The following MPPED2 variants were observed in gnomAD, a reference collection of about 807,000 sequenced individuals.
MPPED2 encodes metallophosphoesterase MPPED2.
A neutral mutation model predicts 33.0 loss-of-function variants in MPPED2; 5 were observed. That is an observed-to-expected ratio of 0.15 (90% CI 0.08 to 0.32). The LOEUF is 0.32. Ranked by LOEUF, MPPED2 falls within the 10% of genes least tolerant of loss-of-function variation. The pLI is 1.00. For synonymous variants in MPPED2, 136 were observed against 141.9 expected (o/e 0.96, Z 0.29); for missense variants, 275 against 372.1 (o/e 0.74, Z 2.15).
exon 7 of MPPED2, chr11:30,385,261 C>T (rs1947689712): frequency 6.6e-6 from 1 of 152,164 alleles, no homozygotes. Flanking sequence ...TTAGGTGAAG[C>T]AAAACCCCTA....
chr11:30,474,327 G>A (rs1054649853), intron 4 of MPPED2, among the ~76,000 whole-genome samples: 3 of 152,156 alleles, frequency 2.0e-5, no homozygotes, highest in African/African-American at 7.2e-5. Context: ...CACTAGTGAG[G>A]TTCCTCTTAG....
rs552686130 is a variant in MPPED2 at position 30,430,849 on chromosome 11, C to T, written c.537-13216G>A. Among the ~76,000 whole-genome samples, 6 of 152,312 alleles carry T rather than the reference C, an allele frequency of 3.9e-5. No individual in the cohort carries two copies. In the South Asian group the frequency reaches 1.2e-3, roughly 32 times the overall value. On this transcript the variant is annotated intron_variant, in intron 4 of 6. Coordinates refer to ENST00000358117, the MANE Select transcript of MPPED2 (RefSeq NM_001584.3). The stretch of plus-strand genomic sequence containing the variant: ...TTGAGAAAAACCAGCCCACAGCATA[C>T]ACTGCACACCATGTCTATGTTCAAT...
chr11:30,435,057 T>C (rs1288984271), intron 4 of MPPED2, among the ~76,000 whole-genome samples: 1 of 152,200 alleles, frequency 6.6e-6, no homozygotes, highest in Non-Finnish European at 1.5e-5. Context: ...GTCAGAATCA[T>C]GAGTTAAACC....
At chr11:30,509,975 G>A (rs1164482687) in intron 3 of MPPED2, among the ~76,000 whole-genome samples, 1 of 152,180 alleles carries the variant, frequency 6.6e-6, no homozygotes, top group Non-Finnish European at 1.5e-5. Context: ...AGATCAGAAT[G>A]TTTAGGTTCA....
chr11:30,460,593 A>C (rs1339134628), intron 4 of MPPED2, among the ~76,000 whole-genome samples: 1 of 152,238 alleles, frequency 6.6e-6, no homozygotes, highest in Non-Finnish European at 1.5e-5. Context: ...ACTGCACTCC[A>C]GCCTGGGCAA....
At chr11:30,387,407 G>A (rs654893) in exon 7 of MPPED2, 57,860 of 152,020 alleles carry the variant, frequency 0.38, 11,288 homozygotes, top group Admixed American at 0.4. Context: ...ATGCTTATCA[G>A]TACTTATTGA....
At chr11:30,520,298 T>A (rs1045444854) in intron 3 of MPPED2, among the ~76,000 whole-genome samples, 12 of 152,228 alleles carry the variant, frequency 7.9e-5, no homozygotes, top group African/African-American at 2.9e-4. Context: ...CAATAATGCA[T>A]GTTATAGTTA....
chr11:30,451,933 G>A, intron 4 of MPPED2: 1 of 985,360 alleles, frequency 1.0e-6, no homozygotes, highest in Non-Finnish European at 1.2e-6. Flanking sequence ...TTCTTAAATT[G>A]AGAATGGAAT....
intron 4 of MPPED2, chr11:30,451,875 C>G (rs1229786283): frequency 1.0e-6 from 1 of 984,716 alleles, no homozygotes; most frequent in Non-Finnish European, 1.2e-6. Context: ...CAGACCTATG[C>G]CCTAGTTCCA....
chr11:30,577,518 G>A (rs556751375), intron 2 of MPPED2, among the ~76,000 whole-genome samples: 1 of 152,272 alleles, frequency 6.6e-6, no homozygotes, highest in African/African-American at 2.4e-5. Context: ...ATGACATGTT[G>A]AAATTTTCAG....
chr11:30,456,256 T>C (rs1390445671), intron 4 of MPPED2, among the ~76,000 whole-genome samples: 1 of 152,220 alleles, frequency 6.6e-6, no homozygotes, highest in Admixed American at 6.5e-5. Flanking sequence ...TTTGAGGAGC[T>C]GTCTGACATG....
intron 4 of MPPED2, among the ~76,000 whole-genome samples, chr11:30,455,818 T>C (rs1210700261): frequency 1.3e-5 from 2 of 152,242 alleles, no homozygotes; most frequent in African/African-American, 4.8e-5. Flanking sequence ...TGGGTAGTCC[T>C]ACCATGCTCA....
intron 4 of MPPED2, among the ~76,000 whole-genome samples, chr11:30,449,274 A>G (rs1949946965): frequency 6.6e-6 from 1 of 152,186 alleles, no homozygotes; most frequent in Non-Finnish European, 1.5e-5. Context: ...GTGTTTATAT[A>G]TTGAAGGAGT....
At position 30,495,514 on chromosome 11, in the gene MPPED2, C is replaced by G. The variant is rs769643454; in HGVS notation, c.318G>C (p.Leu106=). 1 of 1,613,076 alleles carries G rather than the reference C, an allele frequency of 6.2e-7. No homozygotes were observed. The highest frequency in any genetic ancestry group is 2.2e-5 in the East Asian group (1 of 44,866). ...VKKFNDWLGN[L]PYEYKIVIAG... Reference sequence around the variant, plus strand: ...CAATCACTATTTTATATTCATATGGCAGGTTTCCTGAAATAAGAAAAAAGA... The same window carrying G: ...CAATCACTATTTTATATTCATATGGGAGGTTTCCTGAAATAAGAAAAAAGA... The change falls in exon 4 of 7, where the codon CTG becomes CTC. Residue 106 remains leucine (L), a synonymous_variant. Coordinates refer to ENST00000358117, the MANE Select transcript of MPPED2 (RefSeq NM_001584.3).
chr11:30,515,781 C>G (rs1019222870), intron 3 of MPPED2, among the ~76,000 whole-genome samples: 18 of 152,172 alleles, frequency 1.2e-4, no homozygotes, highest in Admixed American at 1.2e-3. Flanking sequence ...TTACAGACAG[C>G]TAAGAACCTC....
At position 30,449,474 on chromosome 11, in the gene MPPED2, C is replaced by CTGAG. The variant is rs1949956269; in HGVS notation, c.537-31842_537-31841insCTCA. Among the ~76,000 whole-genome samples the CTGAG allele has an allele frequency of 2.0e-5, 3 of 151,602 alleles. No individual in the cohort carries two copies. The South Asian group carries it at 6.2e-4, about 31-fold the overall frequency. On this transcript the variant is annotated intron_variant, in intron 4 of 6. Transcript: ENST00000358117. ...CCAGAGACCAGCTGAGACAACATGG[C>CTGAG]AAAACCCTGTCTCTACACAAAAATT...
intron 6 of MPPED2, among the ~76,000 whole-genome samples, chr11:30,412,284 C>T (rs371105406): frequency 6.7e-6 from 1 of 149,092 alleles, no homozygotes; most frequent in Non-Finnish European, 1.5e-5. Context: ...CAATATAAAC[C>T]TTTTGTGATT....
At chr11:30,474,007 G>C (rs1951067033) in intron 4 of MPPED2, among the ~76,000 whole-genome samples, 1 of 152,210 alleles carries the variant, frequency 6.6e-6, no homozygotes, top group Admixed American at 6.5e-5. Context: ...GACTGAGCTA[G>C]AGGACCCAGC....
chr11:30,414,346 G>T lies in MPPED2; in HGVS notation c.653-5C>A, dbSNP rs1315633791. On this transcript the variant is annotated splice_region_variant and splice_polypyrimidine_tract_variant and intron_variant, in intron 5 of 6. Transcript: ENST00000358117. ...TTGGAACCCAGTCTCGAAAACCTAA[G>T]GGCAAAATGCAATCAATACACTTAA... The T allele has an allele frequency of 6.3e-7, 1 of 1,587,198 alleles. No homozygotes were observed. Among genetic ancestry groups the T allele is most frequent in the Admixed American group, 1.7e-5 (1 of 59,944 alleles).
Sources: gnomAD v4.1 joint callset for allele counts (sites outside exome capture counted in the v4.1 genomes callset) on GRCh38, gnomAD v4.1.1 for gene constraint, MANE v1.5 for transcripts, NCBI Gene and HGNC (gene_info 2026-07-23, HGNC 2026-07-21) for gene names.